The following SV2C variants were observed in gnomAD, a reference collection of about 807,000 sequenced individuals.
SV2C encodes synaptic vesicle glycoprotein 2C, also known as solute carrier family 22 member B3.
In SV2C, 49 loss-of-function variants were observed where a neutral mutation model predicts 79.7. The observed-to-expected ratio is 0.61, with a 90% CI of 0.49 to 0.78. The LOEUF is 0.78. SV2C is among the 30% of genes least tolerant of loss of function. The pLI is 0.00. For missense variants in SV2C, 833 were observed against 912.9 expected (o/e 0.91, Z 1.13); for synonymous variants, 334 against 333.2 (o/e 1.00, Z -0.03).
chr5:76,270,118 A>G (rs1473188412), intron 4 of SV2C, among the ~76,000 whole-genome samples: 1 of 152,214 alleles, frequency 6.6e-6, no homozygotes, highest in Non-Finnish European at 1.5e-5. Flanking sequence ...ATAAATCTGG[A>G]TGGGCAAAAG....
In SV2C at chr5:76,333,928, T is replaced by TA. The variant is rs1179552643; in HGVS notation, c.*8381_*8382insA. ...TATATCAGATTAATAAAAGAGCATT[T>TA]TTTTTTTGCTCCATTATATTCAAAT... On this transcript the variant is annotated 3_prime_UTR_variant, in exon 13 of 13. Coordinates refer to ENST00000502798, the MANE Select transcript of SV2C (RefSeq NM_014979.4). 1 of 151,650 alleles carries TA rather than the reference T, an allele frequency of 6.6e-6. No homozygotes were observed. Among genetic ancestry groups the TA allele is most frequent in the Non-Finnish European group, 1.5e-5 (1 of 67,894 alleles). The allele number at this position is 151,650 out of a possible 1,614,324, so 9.4% of individuals were successfully genotyped here. A position where few individuals can be genotyped will look rare whatever the true frequency, so the allele number is the denominator to read the frequency against.
intron 2 of SV2C, chr5:76,174,099 C>T: frequency 6.3e-7 from 1 of 1,590,122 alleles, no homozygotes; most frequent in African/African-American, 1.3e-5. Context: ...TATTTTTCTA[C>T]AAAAATTCCT....
the SV2C span, among the ~76,000 whole-genome samples, chr5:75,874,916 A>G: frequency 6.6e-6 from 1 of 152,188 alleles, no homozygotes; most frequent in Admixed American, 6.5e-5. Flanking sequence ...GAAGACACAA[A>G]CAGATGGAAA....
chr5:76,003,995 C>G, the SV2C span, among the ~76,000 whole-genome samples: 1 of 151,822 alleles, frequency 6.6e-6, no homozygotes, highest in African/African-American at 2.4e-5. Context: ...AAAGGTGGTT[C>G]CAGTGGCTTT....
intron 2 of SV2C, among the ~76,000 whole-genome samples, chr5:76,189,121 G>C (rs779980430): frequency 6.6e-6 from 1 of 152,106 alleles, no homozygotes; most frequent in Non-Finnish European, 1.5e-5. Context: ...AGACTGGCCT[G>C]AGATCTTAAG....
At chr5:76,344,316 T>C (rs1749497176) in intron 12 of SV2C, among the ~76,000 whole-genome samples, 1 of 152,356 alleles carries the variant, frequency 6.6e-6, no homozygotes, top group East Asian at 1.9e-4. Flanking sequence ...AGAGACACTC[T>C]CTTTTTCCAG....
intron 4 of SV2C, among the ~76,000 whole-genome samples, chr5:76,217,531 C>G (rs1163892521): frequency 1.3e-5 from 2 of 152,190 alleles, no homozygotes; most frequent in Non-Finnish European, 2.9e-5. Flanking sequence ...AGCCCACTCT[C>G]CTAGTCAGCA....
intron 1 of SV2C, among the ~76,000 whole-genome samples, chr5:76,112,632 G>A (rs1748129900): frequency 6.6e-6 from 1 of 152,198 alleles, no homozygotes; most frequent in Non-Finnish European, 1.5e-5. Flanking sequence ...CAAGAGGGAG[G>A]CCCTGGTAGT....
chr5:75,859,522 A>G, the SV2C span, among the ~76,000 whole-genome samples: 1 of 152,204 alleles, frequency 6.6e-6, no homozygotes, highest in Non-Finnish European at 1.5e-5. Context: ...CTCTTTGTTA[A>G]TGTGGGAAAG....
At position 76,332,124 on chromosome 5, in the gene SV2C, T is replaced by C. The variant is rs974235423; in HGVS notation, c.*6577T>C. The C allele has an allele frequency of 3.9e-5, 6 of 152,218 alleles. No individual in the cohort carries two copies. Among genetic ancestry groups the C allele is most frequent in the African/African-American group, 1.4e-4 (6 of 41,446 alleles). The allele number at this position is 152,218 out of a possible 1,614,324, so 9.4% of individuals were successfully genotyped here. The stretch of plus-strand genomic sequence containing the variant: ...TAGGTGCCTTCCAGTCAGGTCTGAA[T>C]GCTGAAATTGCTGAGATTGTCCACT... On this transcript the variant is annotated 3_prime_UTR_variant, in exon 13 of 13. Transcript: ENST00000502798.
intron 1 of SV2C, among the ~76,000 whole-genome samples, chr5:76,085,310 C>CT (rs1345888074): frequency 6.6e-6 from 1 of 152,170 alleles, no homozygotes; most frequent in Non-Finnish European, 1.5e-5. Context: ...GAATGTCTTA[C>CT]AAAACAATAT....
intron 2 of SV2C, among the ~76,000 whole-genome samples, chr5:76,155,942 CAAAAAAAAAAAAAAAA>C (rs56340029): frequency 3.4e-5 from 2 of 58,070 alleles, no homozygotes; most frequent in Non-Finnish European, 6.2e-5. Context: ...AGGTTTCTCT[CAAAAAAAAAAAAAAAA>C]AAAAAAAAAA....
chr5:76,297,670 A>T (rs533426706), intron 9 of SV2C, among the ~76,000 whole-genome samples: 5 of 152,260 alleles, frequency 3.3e-5, no homozygotes, highest in African/African-American at 1.2e-4. Flanking sequence ...TTTCCAGGTA[A>T]TGTACCATGG....
chr5:76,282,727 A>G (rs1169137274), intron 4 of SV2C, among the ~76,000 whole-genome samples: 16 of 152,154 alleles, frequency 1.1e-4, no homozygotes. Context: ...GTGGTACCAG[A>G]GGCTAGGCAC....
chr5:76,212,896 TTCC>T (rs1744806019), intron 4 of SV2C, among the ~76,000 whole-genome samples: 1 of 152,184 alleles, frequency 6.6e-6, no homozygotes, highest in African/African-American at 2.4e-5. Flanking sequence ...GATCACCACT[TTCC>T]TTTTTCCAAA....
chr5:76,204,131 T>C (rs1161938986), intron 3 of SV2C, among the ~76,000 whole-genome samples: 1 of 152,228 alleles, frequency 6.6e-6, no homozygotes, highest in African/African-American at 2.4e-5. Flanking sequence ...TGGAAGAGAC[T>C]GAAAGGTTCA....
chr5:75,867,869 T>C, the SV2C span, among the ~76,000 whole-genome samples: 33,324 of 151,996 alleles, frequency 0.22, 5,055 homozygotes, highest in African/African-American at 0.44. Context: ...ATTCAGAAAA[T>C]TTTAGCTGAG....
At chr5:76,235,028 T>C (rs2112407998) in intron 4 of SV2C, among the ~76,000 whole-genome samples, 1 of 152,356 alleles carries the variant, frequency 6.6e-6, no homozygotes, top group South Asian at 2.1e-4. Flanking sequence ...TGTTTCATTT[T>C]GCTTTTAAAG....
the SV2C span, among the ~76,000 whole-genome samples, chr5:75,984,567 ATATCTATC>A: frequency 3.2e-4 from 33 of 102,826 alleles, no homozygotes; most frequent in East Asian, 4.3e-4. Context: ...CTATCTATCT[ATATCTATC>A]TATCTATCTA....
Sources: gnomAD v4.1 joint callset for allele counts (sites outside exome capture counted in the v4.1 genomes callset) on GRCh38, gnomAD v4.1.1 for gene constraint, MANE v1.5 for transcripts, NCBI Gene and HGNC (gene_info 2026-07-23, HGNC 2026-07-21) for gene names.